Variants in ANGPTL6 observed in about 807,000 individuals in gnomAD.
ANGPTL6 encodes angiopoietin-related protein 6.
A neutral mutation model predicts 47.4 loss-of-function variants in ANGPTL6; 45 were observed. That is an observed-to-expected ratio of 0.95 (90% CI 0.75 to 1.22). The LOEUF (loss-of-function observed/expected upper bound fraction) is 1.22, where lower values mean the gene tolerates loss of function less well. ANGPTL6 is among the 50% of genes most tolerant of loss of function. The pLI is 0.00. For missense variants in ANGPTL6, 698 were observed against 669.4 expected (o/e 1.04, Z -0.47); for synonymous variants, 290 against 295.9 (o/e 0.98, Z 0.20).
At chr19:10,099,073 A>G (rs79254069) in intron 1 of ANGPTL6, among the ~76,000 whole-genome samples, 3,718 of 152,112 alleles carry the variant, frequency 0.024, 98 homozygotes, top group East Asian at 0.083. Context: ...ACCCTCCCTG[A>G]ATTCCCAGCT....
Position 10,092,380 on chromosome 19 carries a change from G to T in ANGPTL6, c.*209C>A. 1.3e-6 allele frequency: 2 copies of T among 1,530,748 alleles called. No individual in the cohort carries two copies. The highest frequency in any genetic ancestry group is 2.5e-5 in the South Asian group (2 of 81,414). 94.8% of individuals were successfully genotyped at this position (1,530,748 alleles called of 1,614,324 possible). ...ATTATAAGATATGAGCTCAAACCGA[G>T]ATATGAATGACCTTGGGGAGCCATC... On this transcript the variant is annotated 3_prime_UTR_variant, in exon 6 of 6. Transcript: ENST00000253109.
At position 10,092,523 on chromosome 19, in the gene ANGPTL6, G is replaced by A. The variant is rs1315217449; in HGVS notation, c.*66C>T. 3.2e-6 allele frequency: 5 copies of A among 1,542,724 alleles called. No individual in the cohort carries two copies. The highest frequency in any genetic ancestry group is 4.4e-6 in the Non-Finnish European group (5 of 1,140,006). ...GGCACTGAGCCACAAAGAAGGTGTG[G>A]CCAGAACAACTTGGGCTCCTGCTGA... On this transcript the variant is annotated 3_prime_UTR_variant, in exon 6 of 6. Transcript: ENST00000253109.
rs981466111 is a variant in ANGPTL6 at position 10,093,477 on chromosome 19, G to A, written c.1094C>T (p.Ser365Phe). 6.2e-7 allele frequency: 1 copy of A among 1,614,104 alleles called. No homozygotes were observed. The highest frequency in any genetic ancestry group is 1.3e-5 in the African/African-American group (1 of 74,932). ...RGARAHYDGF[S>F]LEPESDHYRL... is the part of the protein sequence containing the mutation. Reference sequence around the variant, plus strand: ...GTAGTGGTCGCTCTCGGGTTCCAGGGAGAAGCCATCATAGTGGGCACGTGC... The same window carrying A: ...GTAGTGGTCGCTCTCGGGTTCCAGGAAGAAGCCATCATAGTGGGCACGTGC... The change falls in exon 5 of 6, where the codon TCC (serine) becomes TTC (phenylalanine). Residue 365 changes from serine to phenylalanine, a missense_variant. By Grantham distance (155) the Ser-to-Phe change is radical. Transcript: ENST00000253109.
Position 10,094,879 on chromosome 19 carries a change from A to T in ANGPTL6, c.642T>A (p.Ser214Arg), listed in dbSNP as rs2088490252. The part of the protein sequence containing the change: ...VVPVRLVGST[S>R]DTSRMLDPAP... ...CTGGGTCCAGCATCCTACTGGTGTC[A>T]CTGGTGCTACCCACAAGACGGACCG... The change falls in exon 3 of 6, where the codon AGT becomes AGA. Residue 214 changes from serine (S) to arginine (R), a missense_variant. Transcript: ENST00000253109. 1 of 1,614,114 alleles carries T rather than the reference A, an allele frequency of 6.2e-7. No individual in the cohort carries two copies. Among genetic ancestry groups the T allele is most frequent in the Non-Finnish European group, 8.5e-7 (1 of 1,180,000 alleles).
At chr19:10,093,235 T>C in intron 5 of ANGPTL6, 114 bp downstream of exon 5, 1 of 1,361,868 alleles carries the variant, frequency 7.3e-7, no homozygotes, top group Admixed American at 2.3e-5. Context: ...AAAAGCTTGC[T>C]TATCCTTATA....
intron 1 of ANGPTL6, among the ~76,000 whole-genome samples, chr19:10,099,331 C>A (rs2088620937): frequency 6.6e-6 from 1 of 152,124 alleles, no homozygotes. Flanking sequence ...AATCCCAGCA[C>A]TTTGGGAGGC....
chr19:10,099,435 G>T (rs1259010820), intron 1 of ANGPTL6, among the ~76,000 whole-genome samples: 1 of 152,016 alleles, frequency 6.6e-6, no homozygotes, highest in Non-Finnish European at 1.5e-5. Context: ...AAAGTAGCCA[G>T]GCGTGGTGGC....
chr19:10,092,392 C>G lies in ANGPTL6; in HGVS notation c.*197G>C. ...GAGCTCAAACCGAGATATGAATGAC[C>G]TTGGGGAGCCATCTGAGGCCAAGAT... is the stretch of plus-strand genomic sequence containing the variant. On this transcript the variant is annotated 3_prime_UTR_variant, in exon 6 of 6. Transcript: ENST00000253109. 1 of 1,522,996 alleles carries G rather than the reference C, an allele frequency of 6.6e-7. No homozygotes were observed. The highest frequency in any genetic ancestry group is 8.8e-7 in the Non-Finnish European group (1 of 1,139,304). The allele number at this position is 1,522,996 out of a possible 1,614,324, so 94.3% of individuals were successfully genotyped here.
intron 1 of ANGPTL6, among the ~76,000 whole-genome samples, chr19:10,099,985 A>G (rs2088644708): frequency 6.7e-6 from 1 of 149,400 alleles, no homozygotes; most frequent in Non-Finnish European, 1.5e-5. Flanking sequence ...TCAGCCTCCC[A>G]AGAAGCTGGG....
Position 10,096,448 on chromosome 19 carries a change from G to T in ANGPTL6, c.116C>A (p.Thr39Lys). The T allele has an allele frequency of 7.5e-6, 11 of 1,458,914 alleles. No homozygotes were observed. Among genetic ancestry groups the T allele is most frequent in the South Asian group, 3.9e-5 (3 of 76,004 alleles). The allele number at this position is 1,458,914 out of a possible 1,614,324, so 90.4% of individuals were successfully genotyped here. Residue 39 changes from threonine (T) to lysine (K), a missense_variant, in exon 2 of 6, where the codon ACG becomes AAG. By Grantham distance (78) the Thr-to-Lys change is moderately conservative. Coordinates refer to ENST00000253109, the MANE Select transcript of ANGPTL6 (RefSeq NM_031917.3). ...GGGGCCGCTCCAGCACACAGCGCCC[G>T]TGAACTTCTGCGGGGGCAGCACGAA... is the stretch of plus-strand genomic sequence containing the variant. ...YTFVLPPQKF[T>K]GAVCWSGPAS...
At chr19:10,103,936 T>G (rs2088748970), upstream of ANGPTL6, among the ~76,000 whole-genome samples, 1 of 151,408 alleles carries the variant, frequency 6.6e-6, no homozygotes, top group Non-Finnish European at 1.5e-5. Flanking sequence ...CTACTAAAAA[T>G]ACAAAAATTT....
chr19:10,092,569 G>C lies in ANGPTL6; in HGVS notation c.*20C>G. ...GCTGACCAATGTCCTCTAGGGCCTA[G>C]GGGACAGAGGAACACAGAGTCACAG... On this transcript the variant is annotated 3_prime_UTR_variant, in exon 6 of 6. Transcript: ENST00000253109. 12 of 1,588,038 alleles carry C rather than the reference G, an allele frequency of 7.6e-6. No individual in the cohort carries two copies. Among genetic ancestry groups the C allele is most frequent in the Non-Finnish European group, 9.5e-6 (11 of 1,163,194 alleles).
chr19:10,100,175 G>A (rs959910537), intron 1 of ANGPTL6, among the ~76,000 whole-genome samples: 3 of 151,738 alleles, frequency 2.0e-5, no homozygotes, highest in Non-Finnish European at 4.4e-5. Context: ...CTTGAACCTG[G>A]CAGAGGTTGC....
At chr19:10,099,871 CT>C (rs1568473963) in intron 1 of ANGPTL6, among the ~76,000 whole-genome samples, 16 of 148,440 alleles carry the variant, frequency 1.1e-4, no homozygotes, top group African/African-American at 3.9e-4. Context: ...CTCTCTCTCT[CT>C]CTCTCCCCCA....
chr19:10,098,138 C>T (rs2088592470), intron 1 of ANGPTL6, among the ~76,000 whole-genome samples: 1 of 152,042 alleles, frequency 6.6e-6, no homozygotes, highest in African/African-American at 2.4e-5. Context: ...TCCACCTCTG[C>T]CTCCCAAAAT....
At chr19:10,103,416 C>T (rs1179289209), upstream of ANGPTL6, among the ~76,000 whole-genome samples, 5 of 151,450 alleles carry the variant, frequency 3.3e-5, no homozygotes, top group African/African-American at 1.2e-4. Context: ...ATGCTAAAAC[C>T]CCGTCTCTAC....
chr19:10,102,641 C>T lies in ANGPTL6; in HGVS notation c.-84G>A. 2 of 984,772 alleles carry T rather than the reference C, an allele frequency of 2.0e-6. No homozygotes were observed. Among genetic ancestry groups the T allele is most frequent in the South Asian group, 4.7e-5 (1 of 21,284 alleles). 61.0% of individuals were successfully genotyped at this position (984,772 alleles called of 1,614,324 possible). On this transcript the variant is annotated 5_prime_UTR_variant, in exon 1 of 6. Coordinates refer to ENST00000253109, the MANE Select transcript of ANGPTL6 (RefSeq NM_031917.3). Reference sequence around the variant, plus strand: ...GAAGTCCAAGGAAGAGCCGAGGGTCCAGTGGGGCCTCTGAGCTAGAGACGG... The same window carrying T: ...GAAGTCCAAGGAAGAGCCGAGGGTCTAGTGGGGCCTCTGAGCTAGAGACGG...
intron 2 of ANGPTL6, among the ~76,000 whole-genome samples, chr19:10,095,413 A>G (rs1022053698): frequency 6.6e-6 from 1 of 152,178 alleles, no homozygotes; most frequent in Non-Finnish European, 1.5e-5. Flanking sequence ...CTCCATCTCA[A>G]AAATAAAATT....
chr19:10,103,823 G>GCA (rs2088743079), upstream of ANGPTL6, among the ~76,000 whole-genome samples: 1 of 150,766 alleles, frequency 6.6e-6, no homozygotes, highest in African/African-American at 2.4e-5. Flanking sequence ...GGCTGGGCGC[G>GCA]GTGGCTCACG....
Sources: allele counts gnomAD v4.1 joint callset (sites outside exome capture counted in the v4.1 genomes callset), GRCh38; gene constraint gnomAD v4.1.1; transcripts MANE v1.5; gene names NCBI Gene and HGNC (gene_info 2026-07-23, HGNC 2026-07-21).